SYBU: variants seen among roughly 807,000 people sequenced by gnomAD.
SYBU encodes syntabulin, also known as GOLSYN A protein.
In SYBU, 21 loss-of-function variants were observed where a neutral mutation model predicts 35.9. That is an observed-to-expected ratio of 0.58 (90% CI 0.41 to 0.84). The LOEUF is 0.84. Ranked by LOEUF, SYBU falls within the 40% of genes least tolerant of loss-of-function variation. The pLI, the probability that SYBU is intolerant of heterozygous loss-of-function variation, is 0.00. For synonymous variants in SYBU, 319 were observed against 324.3 expected, an observed-to-expected ratio of 0.98 and a Z score of 0.18; for missense variants, 768 against 848.2, an observed-to-expected ratio of 0.91 and a Z score of 1.17.
chr8:109,674,930 C>T (rs1041497349), intron 1 of SYBU, among the ~76,000 whole-genome samples: 8 of 151,742 alleles, frequency 5.3e-5, no homozygotes, highest in African/African-American at 1.9e-4. Flanking sequence ...TAACTGAAAT[C>T]ATAACAGTCT....
At chr8:109,664,123 G>A (rs1816672543) in intron 1 of SYBU, among the ~76,000 whole-genome samples, 1 of 152,124 alleles carries the variant, frequency 6.6e-6, no homozygotes, top group Non-Finnish European at 1.5e-5. Flanking sequence ...AAGTAAATGA[G>A]TAAGATTTAT....
intron 2 of SYBU, among the ~76,000 whole-genome samples, chr8:109,632,547 T>C (rs1466778874): frequency 6.6e-6 from 1 of 152,208 alleles, no homozygotes; most frequent in Non-Finnish European, 1.5e-5. Flanking sequence ...AAAAGCAATG[T>C]TCATCATACT....
At chr8:109,680,275 A>G (rs1226732690) in intron 1 of SYBU, 1 of 152,228 alleles carries the variant, frequency 6.6e-6, no homozygotes, top group African/African-American at 2.4e-5. Flanking sequence ...CCTTCGCTCA[A>G]CTACTGTCAA....
intron 2 of SYBU, among the ~76,000 whole-genome samples, chr8:109,622,913 C>T (rs1178874519): frequency 1.3e-5 from 2 of 152,098 alleles, no homozygotes; most frequent in Non-Finnish European, 2.9e-5. Context: ...AAACTATGAA[C>T]ATTTTAGTCT....
intron 2 of SYBU, among the ~76,000 whole-genome samples, chr8:109,641,795 C>T (rs757678413): frequency 6.6e-6 from 1 of 152,150 alleles, no homozygotes; most frequent in South Asian, 2.1e-4. Flanking sequence ...ATTAAAAGAT[C>T]AGGAATGGAC....
At chr8:109,596,911 G>A (rs1379223148) in intron 3 of SYBU, among the ~76,000 whole-genome samples, 1 of 152,124 alleles carries the variant, frequency 6.6e-6, no homozygotes, top group Non-Finnish European at 1.5e-5. Flanking sequence ...TGGATCACCT[G>A]TCCTTACAGA....
Position 109,575,466 on chromosome 8 carries a change from C to G in SYBU, c.1432G>C (p.Glu478Gln). 6.2e-7 allele frequency: 1 copy of G among 1,614,102 alleles called. No homozygotes were observed. Reference protein sequence around the residue: ...LELLPIVMGQEEGSVVVERAV... With the variant: ...LELLPIVMGQQEGSVVVERAV... ...CGCTCCACCACCACACTGCCCTCCTCCTGACCCATGACTATGGGCAGCAGC... is the reference window on the plus strand; with the variant it reads ...CGCTCCACCACCACACTGCCCTCCTGCTGACCCATGACTATGGGCAGCAGC... The change falls in exon 7 of 7, where the codon GAG becomes CAG. Residue 478 changes from glutamate (E) to glutamine (Q), a missense_variant. Glu to Gln is a conservative substitution (Grantham distance 29). Coordinates refer to ENST00000276646, the MANE Select transcript of SYBU (RefSeq NM_001099754.2).
chr8:109,608,048 G>A, intron 3 of SYBU: 1 of 1,174,640 alleles, frequency 8.5e-7, no homozygotes, highest in Non-Finnish European at 1.2e-6. Context: ...TCAGAGTGGG[G>A]TATCCATGGA....
chr8:109,619,474 G>C (rs1335443028), intron 2 of SYBU, among the ~76,000 whole-genome samples: 1 of 152,062 alleles, frequency 6.6e-6, no homozygotes, highest in African/African-American at 2.4e-5. Context: ...CGATCCATCT[G>C]CCTCAGCCTC....
chr8:109,667,771 GC>G (rs1563773174), intron 1 of SYBU, among the ~76,000 whole-genome samples: 1 of 152,066 alleles, frequency 6.6e-6, no homozygotes, highest in African/African-American at 2.4e-5. Flanking sequence ...GGGATTACAG[GC>G]TTTTTTGTTG....
intron 1 of SYBU, among the ~76,000 whole-genome samples, chr8:109,687,748 G>A (rs1214678716): frequency 6.6e-6 from 1 of 152,066 alleles, no homozygotes; most frequent in African/African-American, 2.4e-5. Flanking sequence ...CTTTGATGAG[G>A]CATCTGGCAA....
chr8:109,641,955 T>G (rs1317895403), intron 2 of SYBU, among the ~76,000 whole-genome samples: 1 of 152,242 alleles, frequency 6.6e-6, no homozygotes, highest in Non-Finnish European at 1.5e-5. Context: ...CATTACTGGG[T>G]ATGTATCCAA....
chr8:109,601,978 A>G (rs910705985), intron 3 of SYBU, among the ~76,000 whole-genome samples: 18 of 152,190 alleles, frequency 1.2e-4, no homozygotes, highest in African/African-American at 3.9e-4. Flanking sequence ...CATGACAGCA[A>G]TATCTGAAGG....
chr8:109,589,596 T>C (rs1011416505), intron 3 of SYBU, among the ~76,000 whole-genome samples: 2 of 152,244 alleles, frequency 1.3e-5, no homozygotes, highest in Non-Finnish European at 2.9e-5. Flanking sequence ...TGGCAGTTTT[T>C]TGTTTTCATA....
At position 109,651,982 on chromosome 8, in the gene SYBU, CTCATTCAT is replaced by C. The variant is rs553988140; in HGVS notation, c.-129+28721_-129+28728del. 1.3e-5 allele frequency among the ~76,000 whole-genome samples: 2 copies of C among 152,194 alleles called. 1 individual carries two copies. The highest frequency in any genetic ancestry group is 2.9e-5 in the Non-Finnish European group (2 of 68,024). On this transcript the variant is annotated intron_variant, in intron 1 of 5. Coordinates refer to the SYBU transcript ENST00000408889. ...ATGATGAATGCACAGACACCTATCA[CTCATTCAT>C]TCATTCATTCATTCATCCATCCATC...
chr8:109,597,329 A>G (rs1026563137), intron 3 of SYBU, among the ~76,000 whole-genome samples: 2 of 152,148 alleles, frequency 1.3e-5, no homozygotes, highest in African/African-American at 4.8e-5. Context: ...ACTTGTTCCT[A>G]ATTCCAAGGC....
intron 3 of SYBU, among the ~76,000 whole-genome samples, chr8:109,591,671 C>T (rs866549623): frequency 5.3e-5 from 8 of 150,706 alleles, no homozygotes; most frequent in African/African-American, 7.3e-5. Context: ...GCCACCACGC[C>T]CGGCTAATTT....
At chr8:109,645,216 C>T (rs576008528), upstream of SYBU, 2 of 456,784 alleles carry the variant, frequency 4.4e-6, no homozygotes, top group East Asian at 1.4e-4. Context: ...CCCTCCTTGG[C>T]CTCCAGGTCT....
At chr8:109,678,287 C>T (rs1817270375) in intron 1 of SYBU, among the ~76,000 whole-genome samples, 1 of 151,754 alleles carries the variant, frequency 6.6e-6, no homozygotes, top group Non-Finnish European at 1.5e-5. Context: ...ATCACATTTG[C>T]ACCCCTATGA....
Sources: gnomAD v4.1 joint callset for allele counts (sites outside exome capture counted in the v4.1 genomes callset) on GRCh38, gnomAD v4.1.1 for gene constraint, MANE v1.5 for transcripts, NCBI Gene and HGNC (gene_info 2026-07-23, HGNC 2026-07-21) for gene names.